Variants in CA10 observed in about 807,000 individuals in gnomAD.
CA10 encodes carbonic anhydrase 10 (inactive), also known as carbonic anhydrase-related protein 10.
Under a neutral mutation model 44.2 loss-of-function variants are expected in CA10, and 14 were observed. The observed-to-expected ratio is 0.32, with a 90% CI of 0.21 to 0.50. The LOEUF (loss-of-function observed/expected upper bound fraction) is 0.50, where lower values mean the gene tolerates loss of function less well. Among genes scored for constraint, CA10 ranks in the 20% least tolerant of loss-of-function variants. CA10 has a pLI of 0.99. For synonymous variants in CA10, 159 were observed against 141.6 expected, an observed-to-expected ratio of 1.12 and a Z score of -0.87; for missense variants, 350 against 409.7, an observed-to-expected ratio of 0.85 and a Z score of 1.26.
intron 2 of CA10, among the ~76,000 whole-genome samples, chr17:51,968,682 C>T (rs1226025545): frequency 4.0e-5 from 6 of 151,766 alleles, no homozygotes; most frequent in South Asian, 2.1e-4. Context: ...CAGAACTATA[C>T]ACCACAAAAG....
chr17:51,938,138 C>T (rs1982936546), intron 2 of CA10, among the ~76,000 whole-genome samples: 1 of 152,150 alleles, frequency 6.6e-6, no homozygotes, highest in Non-Finnish European at 1.5e-5. Flanking sequence ...TACTAGGTGG[C>T]TTCATTTCTC....
chr17:51,965,429 A>C (rs1382943607), intron 2 of CA10, among the ~76,000 whole-genome samples: 1 of 150,856 alleles, frequency 6.6e-6, no homozygotes, highest in Admixed American at 6.6e-5. Flanking sequence ...ATTAAAAAAA[A>C]CCTGCAGGCC....
At chr17:51,805,475 C>A (rs913146976) in intron 3 of CA10, among the ~76,000 whole-genome samples, 2 of 152,178 alleles carry the variant, frequency 1.3e-5, no homozygotes, top group South Asian at 4.1e-4. Flanking sequence ...GGCTATACAT[C>A]AGAATCCTTT....
chr17:51,921,941 T>G (rs532655653), intron 3 of CA10, among the ~76,000 whole-genome samples: 2 of 152,154 alleles, frequency 1.3e-5, no homozygotes, highest in Non-Finnish European at 2.9e-5. Flanking sequence ...TCCATAGAGT[T>G]GAAATCACTT....
At chr17:51,738,327 C>A (rs920143218) in intron 4 of CA10, among the ~76,000 whole-genome samples, 1 of 151,912 alleles carries the variant, frequency 6.6e-6, no homozygotes, top group Non-Finnish European at 1.5e-5. Flanking sequence ...AGCTAGACAT[C>A]GAATGATTTA....
chr17:51,767,485 C>T (rs1905430110), intron 3 of CA10, among the ~76,000 whole-genome samples: 3 of 152,140 alleles, frequency 2.0e-5, no homozygotes, highest in Admixed American at 2.0e-4. Flanking sequence ...TTTGTTACAA[C>T]TAATAAGGTA....
chr17:51,696,423 T>C (rs1915403538), intron 4 of CA10, among the ~76,000 whole-genome samples: 1 of 152,182 alleles, frequency 6.6e-6, no homozygotes, highest in Non-Finnish European at 1.5e-5. Context: ...TTCTGTGGGA[T>C]TGTTGTAATG....
At chr17:51,999,759 T>C (rs1985360176) in intron 2 of CA10, among the ~76,000 whole-genome samples, 1 of 152,070 alleles carries the variant, frequency 6.6e-6, no homozygotes, top group African/African-American at 2.4e-5. Flanking sequence ...TTTCCCTGAC[T>C]TCACATCTGT....
intron 6 of CA10, among the ~76,000 whole-genome samples, chr17:51,648,540 A>G (rs753436257): frequency 6.6e-6 from 1 of 152,150 alleles, no homozygotes; most frequent in Non-Finnish European, 1.5e-5. Flanking sequence ...GTCTCACCCA[A>G]CTTTTCCCAA....
chr17:52,149,043 T>G (rs1280674191), intron 1 of CA10, among the ~76,000 whole-genome samples: 1 of 152,228 alleles, frequency 6.6e-6, no homozygotes, highest in Non-Finnish European at 1.5e-5. Context: ...ATTGCAGCTA[T>G]CAGAATTGTT....
intron 3 of CA10, among the ~76,000 whole-genome samples, chr17:51,813,898 C>G (rs916315027): frequency 6.6e-6 from 1 of 152,210 alleles, no homozygotes; most frequent in African/African-American, 2.4e-5. Context: ...AAATCTAGCA[C>G]TCTTTCTTCA....
intron 2 of CA10, among the ~76,000 whole-genome samples, chr17:52,001,875 C>G (rs747569684): frequency 6.6e-6 from 1 of 151,928 alleles, no homozygotes; most frequent in African/African-American, 2.4e-5. Flanking sequence ...AATGTTACAG[C>G]GAAGTCATTG....
chr17:52,088,985 C>A (rs1448672562), intron 1 of CA10, among the ~76,000 whole-genome samples: 1 of 152,142 alleles, frequency 6.6e-6, no homozygotes, highest in African/African-American at 2.4e-5. Context: ...ACAGATTATG[C>A]TTTGTTTAGA....
At chr17:52,048,551 T>C (rs2907779) in intron 2 of CA10, among the ~76,000 whole-genome samples, 150,923 of 152,100 alleles carry the variant, frequency 0.99, 74,891 homozygotes, top group East Asian at 1. Context: ...TTGATCATTT[T>C]CAGCTGAAAC....
chr17:51,852,971 C>A (rs1978860294), intron 3 of CA10, among the ~76,000 whole-genome samples: 1 of 151,606 alleles, frequency 6.6e-6, no homozygotes, highest in Admixed American at 6.6e-5. Context: ...ATTTAGAAAC[C>A]CTAATTTGTC....
chr17:51,897,209 C>T (rs1165017148), intron 3 of CA10, among the ~76,000 whole-genome samples: 1 of 152,074 alleles, frequency 6.6e-6, no homozygotes, highest in African/African-American at 2.4e-5. Flanking sequence ...TTAGGTTTTA[C>T]ATTTAAGTCT....
chr17:52,135,545 T>C (rs1446431292), intron 1 of CA10, among the ~76,000 whole-genome samples: 1 of 152,158 alleles, frequency 6.6e-6, no homozygotes, highest in African/African-American at 2.4e-5. Flanking sequence ...GCTTATTAAA[T>C]ATGTATATTT....
intron 1 of CA10, among the ~76,000 whole-genome samples, chr17:52,108,684 G>A (rs4794328): frequency 0.62 from 86,695 of 138,714 alleles, 28,864 homozygotes; most frequent in African/African-American, 0.84. Context: ...TGGGTGACAG[G>A]GGGAGACTCC....
At chr17:51,777,675 G>T (rs866115142) in intron 3 of CA10, among the ~76,000 whole-genome samples, 1 of 152,208 alleles carries the variant, frequency 6.6e-6, no homozygotes. Flanking sequence ...CAGGCGCAGG[G>T]GTTCACGCCT....
Sources: allele counts gnomAD v4.1 joint callset (sites outside exome capture counted in the v4.1 genomes callset), GRCh38; gene constraint gnomAD v4.1.1; transcripts MANE v1.5; gene names NCBI Gene and HGNC (gene_info 2026-07-23, HGNC 2026-07-21).